The following MYO10 variants were observed in gnomAD, a reference collection of about 807,000 sequenced individuals.
MYO10 encodes the protein unconventional myosin-X.
MYO10 carries 133 observed loss-of-function variants against 257.3 expected under a neutral mutation model. That is an observed-to-expected ratio of 0.52 (90% CI 0.45 to 0.60). MYO10 has a LOEUF of 0.60. Among genes scored for constraint, MYO10 ranks in the 20% least tolerant of loss-of-function variants. The probability of loss-of-function intolerance (pLI) is 0.00; values close to 1 mark genes in which losing one functional copy is unlikely to be tolerated. For synonymous variants in MYO10, 1,104 were observed against 1,028.6 expected (o/e 1.07, Z -1.40); for missense variants, 2,399 against 2,635.7 (o/e 0.91, Z 1.97).
intron 4 of MYO10, 66 bp downstream of exon 4, chr5:16,794,580 G>C: frequency 6.9e-7 from 1 of 1,444,388 alleles, no homozygotes; most frequent in Non-Finnish European, 9.3e-7. Flanking sequence ...AAGGAGGCTG[G>C]GGTTGGGGGT....
chr5:16,806,925 A>G (rs1243192796), intron 3 of MYO10, among the ~76,000 whole-genome samples: 1 of 152,194 alleles, frequency 6.6e-6, no homozygotes, highest in Non-Finnish European at 1.5e-5. Context: ...TGCTACAGAA[A>G]TCAGAGGTAT....
intron 26 of MYO10, among the ~76,000 whole-genome samples, chr5:16,697,911 T>G (rs1234273140): frequency 1.3e-5 from 2 of 152,158 alleles, no homozygotes; most frequent in African/African-American, 4.8e-5. Context: ...CTCTCCAGTC[T>G]AGGTCCATGC....
intron 14 of MYO10, among the ~76,000 whole-genome samples, chr5:16,762,887 C>T (rs1389417268): frequency 2.0e-5 from 3 of 151,336 alleles, no homozygotes; most frequent in Admixed American, 6.6e-5. Context: ...TCACTTGAAC[C>T]TGGGAGACGG....
At chr5:16,818,273 G>C (rs1742686998) in intron 2 of MYO10, 106 bp from the exon 3 acceptor site, 4 of 1,019,272 alleles carry the variant, frequency 3.9e-6, no homozygotes, top group Middle Eastern at 5.0e-4. Flanking sequence ...TCAGGAAAAA[G>C]ATTCTAAATT....
chr5:16,920,562 C>G (rs1580152652), intron 1 of MYO10, among the ~76,000 whole-genome samples: 1 of 152,146 alleles, frequency 6.6e-6, no homozygotes, highest in Admixed American at 6.6e-5. Flanking sequence ...TGTCATGGAA[C>G]AGTTCTATAT....
At chr5:16,760,461 CAAAA>C (rs1160701199) in intron 17 of MYO10, among the ~76,000 whole-genome samples, 1 of 85,250 alleles carries the variant, frequency 1.2e-5, no homozygotes, top group African/African-American at 4.4e-5. Flanking sequence ...ACCCTGTCTC[CAAAA>C]AAAAAAAACA....
chr5:16,903,777 T>C lies in MYO10; in HGVS notation c.22-26070A>G, dbSNP rs1745448795. Among the ~76,000 whole-genome samples, 3 of 152,046 alleles carry C rather than the reference T, an allele frequency of 2.0e-5. No homozygotes were observed. In the South Asian group the frequency reaches 6.2e-4, roughly 32 times the overall value. On this transcript the variant is annotated intron_variant, in intron 1 of 40. Coordinates refer to ENST00000513610, the MANE Select transcript of MYO10 (RefSeq NM_012334.3). ...CCTTGTAAATAACAGAAAGTGGCCA[T>C]AATAAAGTGCAGAGAGGAATGACAT...
chr5:16,744,957 T>G (rs545034579), intron 19 of MYO10, among the ~76,000 whole-genome samples: 1 of 152,356 alleles, frequency 6.6e-6, no homozygotes, highest in Admixed American at 6.5e-5. Flanking sequence ...TATGAACGAA[T>G]ATCTGACATT....
intron 3 of MYO10, among the ~76,000 whole-genome samples, chr5:16,806,018 G>A (rs1742265855): frequency 6.6e-6 from 1 of 152,082 alleles, no homozygotes; most frequent in Admixed American, 6.6e-5. Flanking sequence ...ATCATGTTGT[G>A]TATCTTAAAT....
Position 16,717,239 on chromosome 5 carries a change from C to G in MYO10, c.1930-5994G>C, listed in dbSNP as rs376973777. Among the ~76,000 whole-genome samples the G allele has an allele frequency of 9.6e-4, 146 of 152,314 alleles. 2 individuals are homozygous for G. The highest frequency in any genetic ancestry group is 3.3e-3 in the African/African-American group (137 of 41,570). On this transcript the variant is annotated intron_variant, in intron 19 of 40. Transcript: ENST00000513610. ...GCATGTAAATCAAACTCGTATGCAT[C>G]AAACCTATTTTCCTACTGACACATT...
chr5:16,934,180 A>C (rs1746371167), intron 1 of MYO10, among the ~76,000 whole-genome samples: 1 of 152,250 alleles, frequency 6.6e-6, no homozygotes, highest in Admixed American at 6.5e-5. Context: ...ACCGGGTAAC[A>C]GGAGATCAGG....
intron 9 of MYO10, among the ~76,000 whole-genome samples, chr5:16,774,204 G>A (rs978699669): frequency 2.6e-5 from 4 of 152,082 alleles, no homozygotes; most frequent in South Asian, 2.1e-4. Context: ...GGATGGTGGC[G>A]AATACACGGC....
intron 19 of MYO10, among the ~76,000 whole-genome samples, chr5:16,737,934 C>T: frequency 6.6e-6 from 1 of 152,176 alleles, no homozygotes; most frequent in Admixed American, 6.5e-5. Context: ...TTTGAGATAG[C>T]TGACGCGGAA....
At chr5:16,794,903 C>T (rs7737850) in intron 3 of MYO10, 70 bp from the exon 4 acceptor site, 154,264 of 1,227,776 alleles carry the variant, frequency 0.13, 11,119 homozygotes, top group South Asian at 0.25. Flanking sequence ...CCAACAAAAC[C>T]CACCGAGTGT....
intron 2 of MYO10, among the ~76,000 whole-genome samples, chr5:16,874,844 T>G (rs1744554607): frequency 6.6e-6 from 1 of 152,164 alleles, no homozygotes; most frequent in East Asian, 1.9e-4. Flanking sequence ...CTGGTACCAA[T>G]TTACTGTATT....
rs938364787 is a variant in MYO10 at position 16,897,332 on chromosome 5, C to T, written c.22-19625G>A. Among the ~76,000 whole-genome samples, 8 of 143,098 alleles carry T rather than the reference C, an allele frequency of 5.6e-5. No individual in the cohort carries two copies. In the Admixed American group the frequency reaches 5.9e-4, roughly 10 times the overall value. 93.9% of individuals were successfully genotyped at this position (143,098 alleles called of 152,430 possible). On this transcript the variant is annotated intron_variant, in intron 1 of 40. Coordinates refer to ENST00000513610, the MANE Select transcript of MYO10 (RefSeq NM_012334.3). ...AAAAAAAAAAAAAGTCCTTTATCAG[C>T]ATGATTCAGAAACTCTGCAACGCCA...
chr5:16,785,945 G>C (rs1223986696), intron 4 of MYO10, among the ~76,000 whole-genome samples: 1 of 152,072 alleles, frequency 6.6e-6, no homozygotes, highest in Non-Finnish European at 1.5e-5. Flanking sequence ...AGTGTAGCCA[G>C]TTGAACAACT....
intron 2 of MYO10, among the ~76,000 whole-genome samples, chr5:16,871,450 A>G (rs1490485440): frequency 1.3e-5 from 2 of 152,098 alleles, no homozygotes; most frequent in Non-Finnish European, 2.9e-5. Flanking sequence ...CCCCATCTCT[A>G]CAAAAAATGA....
At chr5:16,824,021 G>A (rs1413391500) in intron 2 of MYO10, among the ~76,000 whole-genome samples, 1 of 152,096 alleles carries the variant, frequency 6.6e-6, no homozygotes, top group Admixed American at 6.6e-5. Flanking sequence ...CAAACCGCTG[G>A]TAACATGGTG....
Sources: gnomAD v4.1 joint callset for allele counts (sites outside exome capture counted in the v4.1 genomes callset) on GRCh38, gnomAD v4.1.1 for gene constraint, MANE v1.5 for transcripts, NCBI Gene and HGNC (gene_info 2026-07-23, HGNC 2026-07-21) for gene names.